CAMKMT: variants seen among roughly 807,000 people sequenced by gnomAD.
CAMKMT encodes the protein CaM KMT.
Under a neutral mutation model 48.0 loss-of-function variants are expected in CAMKMT, and 53 were observed. That is an observed-to-expected ratio of 1.10 (90% CI 0.89 to 1.39). CAMKMT has a LOEUF of 1.39. Among genes scored for constraint, CAMKMT ranks in the 40% most tolerant of loss-of-function variants. The pLI is 0.00. For missense variants in CAMKMT, 428 were observed against 402.7 expected (o/e 1.06, Z -0.54); for synonymous variants, 165 against 152.3 (o/e 1.08, Z -0.61).
chr2:44,426,271 C>A (rs186667534), intron 3 of CAMKMT, among the ~76,000 whole-genome samples: 1 of 152,278 alleles, frequency 6.6e-6, no homozygotes, highest in African/African-American at 2.4e-5. Flanking sequence ...TGCCTAAGAA[C>A]TGGAGCAAGA....
intron 3 of CAMKMT, among the ~76,000 whole-genome samples, chr2:44,472,571 T>A (rs1282383531): frequency 1.3e-5 from 2 of 152,182 alleles, no homozygotes; most frequent in African/African-American, 4.8e-5. Context: ...CCTCTTTCAT[T>A]TTTAACAAAA....
chr2:44,745,914 T>G (rs1244819344), intron 8 of CAMKMT, among the ~76,000 whole-genome samples: 1 of 152,208 alleles, frequency 6.6e-6, no homozygotes, highest in East Asian at 1.9e-4. Context: ...TGGTGTGGTG[T>G]TTCTCTGTAA....
At chr2:44,684,269 C>G (rs1010335408) in intron 3 of CAMKMT, among the ~76,000 whole-genome samples, 8 of 152,210 alleles carry the variant, frequency 5.3e-5, no homozygotes, top group African/African-American at 1.9e-4. Context: ...AACTTAAGAA[C>G]ACTCGTGTGT....
At chr2:44,689,714 C>T (rs992275696) in intron 3 of CAMKMT, among the ~76,000 whole-genome samples, 1 of 152,210 alleles carries the variant, frequency 6.6e-6, no homozygotes, top group Non-Finnish European at 1.5e-5. Context: ...AGACATGCTT[C>T]TTCTCACTTT....
chr2:44,553,599 C>T (rs1667842727), intron 3 of CAMKMT, among the ~76,000 whole-genome samples: 2 of 152,110 alleles, frequency 1.3e-5, no homozygotes, highest in South Asian at 2.1e-4. Flanking sequence ...GGCCTCAAGC[C>T]ATCTACCCAA....
intron 3 of CAMKMT, chr2:44,676,887 C>T (rs1363725776): frequency 1.3e-5 from 2 of 152,214 alleles, no homozygotes; most frequent in Admixed American, 6.5e-5. Flanking sequence ...AAAATTCTGT[C>T]TTCCTGCTTC....
intron 3 of CAMKMT, among the ~76,000 whole-genome samples, chr2:44,610,775 A>G (rs983348713): frequency 6.6e-6 from 1 of 152,206 alleles, no homozygotes; most frequent in African/African-American, 2.4e-5. Flanking sequence ...CCTGAAAAAT[A>G]CTTATATTTA....
At chr2:44,462,227 T>C (rs1667884496) in intron 3 of CAMKMT, among the ~76,000 whole-genome samples, 2 of 152,096 alleles carry the variant, frequency 1.3e-5, no homozygotes, top group African/African-American at 2.4e-5. Flanking sequence ...AAAAGGGTAA[T>C]AAAGTAAAAA....
At chr2:44,655,401 G>C (rs534630800) in intron 3 of CAMKMT, among the ~76,000 whole-genome samples, 8 of 152,156 alleles carry the variant, frequency 5.3e-5, no homozygotes, top group African/African-American at 1.9e-4. Context: ...GCTTTATTTG[G>C]CTAGTTGACA....
chr2:44,631,491 A>T, intron 3 of CAMKMT: 1 of 621,600 alleles, frequency 1.6e-6, no homozygotes, highest in Non-Finnish European at 2.9e-6. Flanking sequence ...TTTTGTACAG[A>T]TGATGTCTCA....
chr2:44,460,851 T>A (rs900082964), intron 3 of CAMKMT, among the ~76,000 whole-genome samples: 3 of 150,634 alleles, frequency 2.0e-5, no homozygotes, highest in African/African-American at 7.4e-5. Flanking sequence ...GCCTCCCGAG[T>A]AGCTGAGATC....
At chr2:44,682,840 A>C (rs1676099904) in intron 3 of CAMKMT, among the ~76,000 whole-genome samples, 1 of 152,200 alleles carries the variant, frequency 6.6e-6, no homozygotes, top group Non-Finnish European at 1.5e-5. Flanking sequence ...AACAATGTAA[A>C]ATAAAATTAC....
At chr2:44,433,521 C>G (rs1404176601) in intron 3 of CAMKMT, among the ~76,000 whole-genome samples, 1 of 151,854 alleles carries the variant, frequency 6.6e-6, no homozygotes, top group Non-Finnish European at 1.5e-5. Flanking sequence ...ATGGAAGTGT[C>G]TGACATTATG....
At chr2:44,550,573 A>T (rs1667651829) in intron 3 of CAMKMT, 1 of 152,314 alleles carries the variant, frequency 6.6e-6, no homozygotes, top group East Asian at 1.9e-4. Context: ...CTGAGCTCTT[A>T]GGGAGACACT....
chr2:44,398,687 A>T (rs1682086421), intron 3 of CAMKMT, among the ~76,000 whole-genome samples: 1 of 151,472 alleles, frequency 6.6e-6, no homozygotes, highest in African/African-American at 2.4e-5. Context: ...TATATATTTT[A>T]AAAGTGCTTA....
intron 1 of CAMKMT, among the ~76,000 whole-genome samples, chr2:44,363,578 C>A (rs1410442270): frequency 6.6e-6 from 1 of 151,536 alleles, no homozygotes; most frequent in Non-Finnish European, 1.5e-5. Context: ...CGGGGTTTCT[C>A]CATGTTTGTC....
chr2:44,702,304 G>A (rs1446984500), intron 3 of CAMKMT, among the ~76,000 whole-genome samples: 1 of 152,072 alleles, frequency 6.6e-6, no homozygotes, highest in Non-Finnish European at 1.5e-5. Flanking sequence ...TGCAGTAACA[G>A]GTCAAAATGG....
intron 3 of CAMKMT, chr2:44,631,734 A>C (rs779659729): frequency 5.2e-6 from 2 of 381,362 alleles, no homozygotes; most frequent in African/African-American, 2.1e-5. Context: ...TAAGTTTACT[A>C]TCTTGCTATT....
chr2:44,365,836 G>C (rs786616), intron 1 of CAMKMT, among the ~76,000 whole-genome samples: 108,689 of 152,158 alleles, frequency 0.71, 39,472 homozygotes, highest in South Asian at 0.78. Flanking sequence ...AATGAAAAAT[G>C]TTGCCTAGAG....
Sources: gnomAD v4.1 joint callset for allele counts (sites outside exome capture counted in the v4.1 genomes callset) on GRCh38, gnomAD v4.1.1 for gene constraint, MANE v1.5 for transcripts, NCBI Gene and HGNC (gene_info 2026-07-23, HGNC 2026-07-21) for gene names.